Variants in FARS2 observed in about 807,000 individuals in gnomAD.
FARS2 encodes the protein phenylalanine--tRNA ligase, mitochondrial.
A neutral mutation model predicts 46.4 loss-of-function variants in FARS2; 40 were observed. That is an observed-to-expected ratio of 0.86 (90% CI 0.67 to 1.12). The LOEUF is 1.12. FARS2 is among the 50% of genes most tolerant of loss of function. The pLI, the probability that FARS2 is intolerant of heterozygous loss-of-function variation, is 0.00. For missense variants in FARS2, 513 were observed against 567.9 expected (o/e 0.90, Z 0.98); for synonymous variants, 234 against 214.9 (o/e 1.09, Z -0.78).
intron 4 of FARS2, among the ~76,000 whole-genome samples, chr6:5,490,244 T>C (rs1407605238): frequency 6.6e-6 from 1 of 152,276 alleles, no homozygotes; most frequent in South Asian, 2.1e-4. Flanking sequence ...TTGTAATTGC[T>C]AAGTAGCATT....
intron 6 of FARS2, among the ~76,000 whole-genome samples, chr6:5,638,907 A>C (rs1176161317): frequency 6.6e-6 from 1 of 152,228 alleles, no homozygotes; most frequent in African/African-American, 2.4e-5. Context: ...AGGTCCAAGC[A>C]CAGACTTGTA....
intron 6 of FARS2, among the ~76,000 whole-genome samples, chr6:5,732,143 C>T (rs958999995): frequency 1.3e-5 from 2 of 152,224 alleles, no homozygotes; most frequent in African/African-American, 4.8e-5. Flanking sequence ...AAACATTGCT[C>T]AGCACCTGCT....
At chr6:5,372,887 GT>G in intron 2 of FARS2, among the ~76,000 whole-genome samples, 1 of 152,196 alleles carries the variant, frequency 6.6e-6, no homozygotes, top group African/African-American at 2.4e-5. Context: ...CAAATTAAGT[GT>G]TCAATTTATG....
At chr6:5,462,300 C>A (rs529225288) in intron 4 of FARS2, among the ~76,000 whole-genome samples, 2 of 151,964 alleles carry the variant, frequency 1.3e-5, no homozygotes, top group Non-Finnish European at 2.9e-5. Flanking sequence ...GATATAAGAT[C>A]TTTATTATAT....
intron 3 of FARS2, among the ~76,000 whole-genome samples, chr6:5,425,530 C>T (rs113246288): frequency 0.028 from 4,233 of 152,214 alleles, 98 homozygotes; most frequent in Non-Finnish European, 0.042. Flanking sequence ...CACACACACC[C>T]GCCCTGCAAG....
intron 5 of FARS2, among the ~76,000 whole-genome samples, chr6:5,597,117 A>G (rs950411067): frequency 1.3e-5 from 2 of 152,222 alleles, no homozygotes; most frequent in Admixed American, 6.5e-5. Flanking sequence ...GACGGAAAGC[A>G]GCTGCTCCAG....
intron 1 of FARS2, among the ~76,000 whole-genome samples, chr6:5,314,591 G>A (rs949025972): frequency 2.6e-5 from 4 of 152,188 alleles, no homozygotes; most frequent in Non-Finnish European, 4.4e-5. Context: ...CAGAGGTGAT[G>A]TCTTGTTCCT....
chr6:5,595,575 C>T (rs2150616829), intron 5 of FARS2, among the ~76,000 whole-genome samples: 1 of 152,264 alleles, frequency 6.6e-6, no homozygotes, highest in Non-Finnish European at 1.5e-5. Context: ...AAAATGTGAT[C>T]CCTGCCCCTA....
intron 6 of FARS2, among the ~76,000 whole-genome samples, chr6:5,711,655 CAT>C (rs2150903782): frequency 6.6e-6 from 1 of 152,166 alleles, no homozygotes; most frequent in East Asian, 1.9e-4. Context: ...AAATAAGACA[CAT>C]GTCAATAGAG....
chr6:5,530,724 T>A (rs931642088), intron 4 of FARS2, among the ~76,000 whole-genome samples: 2 of 147,222 alleles, frequency 1.4e-5, no homozygotes, highest in African/African-American at 4.9e-5. Context: ...AGCTATATAT[T>A]TGTATTAATA....
At chr6:5,562,906 C>T (rs1332307701) in intron 5 of FARS2, among the ~76,000 whole-genome samples, 4 of 151,344 alleles carry the variant, frequency 2.6e-5, no homozygotes, top group Admixed American at 1.3e-4. Context: ...CAGATTGAAG[C>T]GATTCTCCTG....
At chr6:5,260,611 G>A, upstream of FARS2, 1 of 1,377,680 alleles carries the variant, frequency 7.3e-7, no homozygotes, top group Non-Finnish European at 9.8e-7. Flanking sequence ...CCGGCCCCTG[G>A]CCCCCCGCCC....
chr6:5,674,141 T>A (rs1417947936), intron 6 of FARS2, among the ~76,000 whole-genome samples: 1 of 145,312 alleles, frequency 6.9e-6, no homozygotes, highest in Non-Finnish European at 1.5e-5. Context: ...TGAGGATGTG[T>A]CCTCTATTTT....
At chr6:5,670,978 T>C (rs1350206396) in intron 6 of FARS2, among the ~76,000 whole-genome samples, 1 of 152,102 alleles carries the variant, frequency 6.6e-6, no homozygotes, top group African/African-American at 2.4e-5. Flanking sequence ...CCTGACTGTA[T>C]AAAAGACTGG....
chr6:5,270,138 G>A (rs2127822820), intron 1 of FARS2, among the ~76,000 whole-genome samples: 1 of 152,274 alleles, frequency 6.6e-6, no homozygotes, highest in African/African-American at 2.4e-5. Context: ...GAATTCTGCA[G>A]TGCAAAGGGA....
chr6:5,618,731 A>G (rs1039053976), intron 6 of FARS2, among the ~76,000 whole-genome samples: 1 of 152,206 alleles, frequency 6.6e-6, no homozygotes, highest in African/African-American at 2.4e-5. Context: ...GGTCTTTGCC[A>G]CTTAATCTAT....
At chr6:5,614,472 C>CGG (rs1775360709) in intron 6 of FARS2, among the ~76,000 whole-genome samples, 1 of 149,474 alleles carries the variant, frequency 6.7e-6, no homozygotes, top group Non-Finnish European at 1.5e-5. Context: ...TGCAGTGATG[C>CGG]GATCTCGGCT....
chr6:5,301,707 T>A (rs916564091), intron 1 of FARS2, among the ~76,000 whole-genome samples: 1 of 151,990 alleles, frequency 6.6e-6, no homozygotes, highest in East Asian at 1.9e-4. Flanking sequence ...TGGCAACTAA[T>A]ATCAAACAAT....
At chr6:5,353,622 A>G (rs1174082306) in intron 1 of FARS2, among the ~76,000 whole-genome samples, 2 of 148,198 alleles carry the variant, frequency 1.3e-5, no homozygotes, top group Non-Finnish European at 3.0e-5. Context: ...TTTGATTTGC[A>G]TTTCCCTGAT....
Sources: gnomAD v4.1 joint callset for allele counts (sites outside exome capture counted in the v4.1 genomes callset) on GRCh38, gnomAD v4.1.1 for gene constraint, MANE v1.5 for transcripts, NCBI Gene and HGNC (gene_info 2026-07-23, HGNC 2026-07-21) for gene names.